The following COL21A1 variants were observed in gnomAD, a reference collection of about 807,000 sequenced individuals.
The protein encoded by COL21A1 is collagen type XXI alpha 1 chain.
Under a neutral mutation model 137.9 loss-of-function variants are expected in COL21A1, and 149 were observed. That is an observed-to-expected ratio of 1.08 (90% confidence interval 0.95 to 1.24). The LOEUF (loss-of-function observed/expected upper bound fraction) is 1.24, where lower values mean the gene tolerates loss of function less well. COL21A1 is among the 50% of genes most tolerant of loss of function. The pLI is 0.00. For synonymous variants in COL21A1, 456 were observed against 391.5 expected (o/e 1.16, Z -1.95); for missense variants, 1,167 against 1,158.4 (o/e 1.01, Z -0.11).
At chr6:56,258,335 C>T (rs1440758618) in intron 1 of COL21A1, among the ~76,000 whole-genome samples, 1 of 152,058 alleles carries the variant, frequency 6.6e-6, no homozygotes, top group Non-Finnish European at 1.5e-5. Context: ...TTTAGGTACC[C>T]TTCAGCCTCT....
intron 28 of COL21A1, among the ~76,000 whole-genome samples, chr6:56,059,486 C>T (rs550532561): frequency 4.6e-5 from 7 of 151,954 alleles, no homozygotes; most frequent in African/African-American, 1.2e-4. Context: ...AATTATTAGC[C>T]CTTTGTGTTA....
At chr6:56,276,867 G>A in intron 1 of COL21A1, 1 of 577,584 alleles carries the variant, frequency 1.7e-6, no homozygotes, top group East Asian at 3.2e-5. Flanking sequence ...GGAGTGCAGT[G>A]ACGCGGTCCA....
intron 1 of COL21A1, among the ~76,000 whole-genome samples, chr6:56,224,365 T>C (rs1203427521): frequency 6.6e-6 from 1 of 152,098 alleles, no homozygotes; most frequent in East Asian, 1.9e-4. Context: ...TAATTACTTC[T>C]TAAACAAAGA....
Position 56,069,055 on chromosome 6 carries a change from T to G in COL21A1, c.2082A>C (p.Gln694His), listed in dbSNP as rs916432715. ...EPGYMGLPGI[Q>H]GKKGDKGNQG... The stretch of plus-strand genomic sequence containing the variant: ...CCTAACCAATGCATACCTTTTTTCC[T>G]TGAATCCCGGGTAAACCCATGTATC... The change falls in exon 22 of 30, where the codon CAA becomes CAC. Residue 694 changes from glutamine to histidine, a missense_variant. Coordinates refer to ENST00000244728, the MANE Select transcript of COL21A1 (RefSeq NM_030820.4). 9.4e-6 allele frequency: 15 copies of G among 1,601,476 alleles called. No individual in the cohort carries two copies. In the African/African-American group the frequency reaches 1.9e-4, roughly 20 times the overall value.
intron 17 of COL21A1, among the ~76,000 whole-genome samples, chr6:56,096,489 TTGAAG>T (rs1461725655): frequency 6.6e-6 from 1 of 152,148 alleles, no homozygotes; most frequent in Admixed American, 6.5e-5. Flanking sequence ...GTTTCCTGAA[TTGAAG>T]TTAATTAGGT....
intron 1 of COL21A1, among the ~76,000 whole-genome samples, chr6:56,217,254 A>T (rs931561862): frequency 1.1e-4 from 17 of 152,182 alleles, no homozygotes; most frequent in Non-Finnish European, 2.4e-4. Flanking sequence ...TGGACCAATA[A>T]ATAAGGAGGA....
rs1763901129 is a variant in COL21A1 at position 56,285,884 on chromosome 6, C to T, written c.-38-103228G>A. Among the ~76,000 whole-genome samples, 2 of 147,076 alleles carry T rather than the reference C, an allele frequency of 1.4e-5. 1 individual carries two copies. Among genetic ancestry groups the T allele is most frequent in the South Asian group, 4.3e-4 (2 of 4,646 alleles). ...CCAAACACAGCTTGCTTACTCTTTT[C>T]TTCCTGCCACAAATGATTCCCTTTT... On this transcript the variant is annotated intron_variant, in intron 1 of 28. Coordinates refer to the COL21A1 transcript ENST00000370819.
intron 12 of COL21A1, among the ~76,000 whole-genome samples, chr6:56,131,172 T>G (rs1328059139): frequency 6.6e-6 from 1 of 151,728 alleles, no homozygotes; most frequent in Non-Finnish European, 1.5e-5. Flanking sequence ...GTTGAAAAAA[T>G]GGTGTCTTAT....
rs181868194 is a variant in COL21A1 at position 56,364,163 on chromosome 6, C to A, written c.-39+29808G>T. On this transcript the variant is annotated intron_variant, in intron 1 of 28. Coordinates refer to the COL21A1 transcript ENST00000370819. Reference sequence around the variant, plus strand: ...TCCCTTGAGTTGCTGCTGATGAGCTCTTTAGTGCCCCAGCCCCTCATTAAT... The same window carrying A: ...TCCCTTGAGTTGCTGCTGATGAGCTATTTAGTGCCCCAGCCCCTCATTAAT... 1.9e-3 allele frequency among the ~76,000 whole-genome samples: 293 copies of A among 152,192 alleles called. 1 individual carries two copies. Among genetic ancestry groups the A allele is most frequent in the Non-Finnish European group, 2.6e-3 (178 of 68,004 alleles).
chr6:56,307,785 A>G (rs982693983), intron 1 of COL21A1, among the ~76,000 whole-genome samples: 1 of 152,152 alleles, frequency 6.6e-6, no homozygotes, highest in Non-Finnish European at 1.5e-5. Flanking sequence ...TCAGTTGGAA[A>G]TGCAGAAATC....
intron 1 of COL21A1, among the ~76,000 whole-genome samples, chr6:56,214,697 C>T (rs1477894169): frequency 3.3e-5 from 5 of 151,572 alleles, no homozygotes; most frequent in Non-Finnish European, 7.4e-5. Flanking sequence ...TCCATTTGAT[C>T]ATGGCATATG....
intron 1 of COL21A1, among the ~76,000 whole-genome samples, chr6:56,265,298 G>A (rs561697094): frequency 4.6e-5 from 7 of 152,326 alleles, no homozygotes; most frequent in African/African-American, 1.7e-4. Context: ...AGTGGAACAG[G>A]CAATGGAATA....
At chr6:56,309,736 C>T (rs895790607) in intron 1 of COL21A1, among the ~76,000 whole-genome samples, 2 of 152,174 alleles carry the variant, frequency 1.3e-5, no homozygotes, top group African/African-American at 4.8e-5. Flanking sequence ...AGTTCATCAC[C>T]TTATCCTATC....
At chr6:56,065,314 C>T (rs1766145885) in intron 23 of COL21A1, among the ~76,000 whole-genome samples, 1 of 151,996 alleles carries the variant, frequency 6.6e-6, no homozygotes. Context: ...TTTTACATCA[C>T]CCTTGCCTAG....
intron 1 of COL21A1, among the ~76,000 whole-genome samples, chr6:56,335,621 C>A (rs1236245853): frequency 6.6e-6 from 1 of 152,194 alleles, no homozygotes; most frequent in African/African-American, 2.4e-5. Context: ...CTGGGGCATA[C>A]CTAAACTCTT....
intron 7 of COL21A1, 45 bp downstream of exon 7, chr6:56,166,861 A>G (rs764303199): frequency 3.1e-5 from 43 of 1,386,268 alleles, no homozygotes; most frequent in Non-Finnish European, 4.3e-5. Context: ...TTGCTTTGAA[A>G]GTACTAAAGC....
intron 1 of COL21A1, among the ~76,000 whole-genome samples, chr6:56,184,906 G>A (rs912883152): frequency 1.1e-4 from 17 of 152,024 alleles, no homozygotes; most frequent in African/African-American, 3.9e-4. Context: ...ATTATCTGTA[G>A]GATCTGTAGT....
In COL21A1 at chr6:56,262,744, C is replaced by T. The variant is rs1287328335; in HGVS notation, c.-38-80088G>A. ...AGAGATTCAGGGAGGTCAAAAAGCACTACTATTAGTCTAAAAATCCAACCT... is the reference window on the plus strand; with the variant it reads ...AGAGATTCAGGGAGGTCAAAAAGCATTACTATTAGTCTAAAAATCCAACCT... On this transcript the variant is annotated intron_variant, in intron 1 of 28. Coordinates refer to the COL21A1 transcript ENST00000370819. 3.3e-5 allele frequency among the ~76,000 whole-genome samples: 5 copies of T among 152,074 alleles called. No individual in the cohort carries two copies. The East Asian group carries it at 7.7e-4, about 23-fold the overall frequency.
chr6:56,203,032 C>T (rs918964950), intron 1 of COL21A1, among the ~76,000 whole-genome samples: 39 of 152,198 alleles, frequency 2.6e-4, no homozygotes, highest in African/African-American at 8.7e-4. Flanking sequence ...ATTAATTAGC[C>T]TAATTTCTTA....
Sources: gnomAD v4.1 joint callset for allele counts (sites outside exome capture counted in the v4.1 genomes callset) on GRCh38, gnomAD v4.1.1 for gene constraint, MANE v1.5 for transcripts, NCBI Gene and HGNC (gene_info 2026-07-23, HGNC 2026-07-21) for gene names.